Variants in KCTD1 observed in about 807,000 individuals in gnomAD.
KCTD1 encodes BTB/POZ domain-containing protein KCTD1.
A neutral mutation model predicts 66.0 loss-of-function variants in KCTD1; 24 were observed. That is an observed-to-expected ratio of 0.36 (90% confidence interval 0.26 to 0.51). KCTD1 has a LOEUF of 0.51. Ranked by LOEUF, KCTD1 falls within the 20% of genes least tolerant of loss-of-function variation. The probability of loss-of-function intolerance (pLI) is 0.95; values close to 1 mark genes in which losing one functional copy is unlikely to be tolerated. For missense variants in KCTD1, 943 were observed against 1,205.2 expected (o/e 0.78, Z 3.22); for synonymous variants, 511 against 517.2 (o/e 0.99, Z 0.16).
At chr18:26,517,830 G>A (rs879902873) in intron 1 of KCTD1, among the ~76,000 whole-genome samples, 2 of 152,226 alleles carry the variant, frequency 1.3e-5, no homozygotes, top group Non-Finnish European at 2.9e-5. Flanking sequence ...CCCAGTCTCA[G>A]ATATGTCTTT....
At chr18:26,466,021 TGGGGG>T in intron 3 of KCTD1, among the ~76,000 whole-genome samples, 1 of 145,928 alleles carries the variant, frequency 6.9e-6, no homozygotes, top group Non-Finnish European at 1.5e-5. Context: ...CTCTGGCGAG[TGGGGG>T]CCTATCCAGG....
chr18:26,584,283 A>T (rs1018934320), intron 1 of KCTD1, among the ~76,000 whole-genome samples: 4 of 152,348 alleles, frequency 2.6e-5, no homozygotes, highest in African/African-American at 9.6e-5. Context: ...GCACGTATAA[A>T]ATACAGACTG....
intron 1 of KCTD1, among the ~76,000 whole-genome samples, chr18:26,501,566 T>C (rs1044785462): frequency 6.6e-5 from 10 of 152,244 alleles, no homozygotes; most frequent in African/African-American, 2.4e-4. Context: ...TAGTATGATA[T>C]GAAAAGTCTA....
At chr18:26,606,634 G>A (rs979160972) in intron 1 of KCTD1, among the ~76,000 whole-genome samples, 4 of 152,366 alleles carry the variant, frequency 2.6e-5, no homozygotes, top group African/African-American at 4.8e-5. Context: ...TAGATGATGA[G>A]AGGCCAAGTG....
intron 1 of KCTD1, among the ~76,000 whole-genome samples, chr18:26,656,984 A>T (rs1388475885): frequency 6.8e-6 from 1 of 147,340 alleles, no homozygotes; most frequent in Non-Finnish European, 1.5e-5. Context: ...CGGCTCTGGC[A>T]CGGGCTCCCA....
chr18:26,601,473 G>A (rs1986899052), intron 1 of KCTD1, among the ~76,000 whole-genome samples: 1 of 151,966 alleles, frequency 6.6e-6, no homozygotes, highest in East Asian at 1.9e-4. Context: ...ATGATTACTG[G>A]AGCATTTATT....
chr18:26,605,286 C>T (rs1208087818), intron 1 of KCTD1, among the ~76,000 whole-genome samples: 7 of 152,114 alleles, frequency 4.6e-5, no homozygotes, highest in Non-Finnish European at 1.5e-5. Flanking sequence ...AGAAGAGAGA[C>T]AACAAATTAG....
intron 3 of KCTD1, among the ~76,000 whole-genome samples, chr18:26,470,032 C>T (rs1203335919): frequency 6.6e-6 from 1 of 152,178 alleles, no homozygotes; most frequent in African/African-American, 2.4e-5. Context: ...GTCCAAACAT[C>T]AGAAAGTAGA....
At chr18:26,469,023 C>T (rs144699093) in intron 3 of KCTD1, among the ~76,000 whole-genome samples, 4 of 152,296 alleles carry the variant, frequency 2.6e-5, no homozygotes, top group Non-Finnish European at 5.9e-5. Flanking sequence ...CCATCACCAG[C>T]CACCAGAGCG....
At chr18:26,596,552 G>A (rs1986770869) in intron 1 of KCTD1, among the ~76,000 whole-genome samples, 1 of 152,200 alleles carries the variant, frequency 6.6e-6, no homozygotes, top group African/African-American at 2.4e-5. Context: ...TTCTGATGAG[G>A]GAGTTTGGTG....
At chr18:26,626,643 T>C (rs973790693) in intron 1 of KCTD1, among the ~76,000 whole-genome samples, 4 of 151,886 alleles carry the variant, frequency 2.6e-5, no homozygotes, top group African/African-American at 9.7e-5. Context: ...CTGGCTAACT[T>C]TTTTGTTGTT....
At chr18:26,599,321 G>A in intron 1 of KCTD1, 1 of 1,184,774 alleles carries the variant, frequency 8.4e-7, no homozygotes, top group Non-Finnish European at 1.2e-6. Context: ...ATTGACTGGG[G>A]GAGAAGCCGG....
intron 1 of KCTD1, among the ~76,000 whole-genome samples, chr18:26,603,027 G>A (rs1309110629): frequency 6.6e-6 from 1 of 152,166 alleles, no homozygotes; most frequent in Admixed American, 6.5e-5. Flanking sequence ...ATGGGGAAGA[G>A]AGGCCTATTC....
At chr18:26,595,205 C>A (rs917511711) in intron 1 of KCTD1, among the ~76,000 whole-genome samples, 2 of 152,172 alleles carry the variant, frequency 1.3e-5, no homozygotes, top group South Asian at 2.1e-4. Flanking sequence ...TTCCTCACTA[C>A]CCCCTACCCC....
chr18:26,619,233 C>A (rs564464162), intron 1 of KCTD1, among the ~76,000 whole-genome samples: 1 of 152,280 alleles, frequency 6.6e-6, no homozygotes, highest in East Asian at 1.9e-4. Context: ...CTGGTATACC[C>A]ACTCCATACT....
chr18:26,518,819 A>G (rs1983783517), intron 1 of KCTD1, among the ~76,000 whole-genome samples: 1 of 152,222 alleles, frequency 6.6e-6, no homozygotes, highest in Non-Finnish European at 1.5e-5. Flanking sequence ...TTAGGATTAC[A>G]GGCATGAGCT....
chr18:26,558,917 C>T (rs935060906), intron 1 of KCTD1, among the ~76,000 whole-genome samples: 3 of 150,434 alleles, frequency 2.0e-5, no homozygotes, highest in Non-Finnish European at 4.4e-5. Context: ...AGCAAGACTC[C>T]GTCTCAAAAA....
At chr18:26,636,812 A>C (rs1279552258) in intron 1 of KCTD1, among the ~76,000 whole-genome samples, 1 of 152,206 alleles carries the variant, frequency 6.6e-6, no homozygotes, top group Non-Finnish European at 1.5e-5. Flanking sequence ...ATGGGCCCCC[A>C]CTAAAGTTAT....
intron 1 of KCTD1, among the ~76,000 whole-genome samples, chr18:26,586,702 A>T (rs1986480005): frequency 6.6e-6 from 1 of 152,216 alleles, no homozygotes; most frequent in African/African-American, 2.4e-5. Context: ...AAGAAAGCAA[A>T]ACAGCCTTAT....
Sources: gnomAD v4.1 joint callset for allele counts (sites outside exome capture counted in the v4.1 genomes callset) on GRCh38, gnomAD v4.1.1 for gene constraint, MANE v1.5 for transcripts, NCBI Gene and HGNC (gene_info 2026-07-23, HGNC 2026-07-21) for gene names.